The following SLC18A2 variants were observed in gnomAD, a reference collection of about 807,000 sequenced individuals.
The protein encoded by SLC18A2 is synaptic vesicular amine transporter.
A neutral mutation model predicts 59.2 loss-of-function variants in SLC18A2; 33 were observed. The ratio of observed to expected loss-of-function variants is 0.56; its 90% CI spans 0.42 to 0.75. The LOEUF is 0.75. SLC18A2 is among the 30% of genes least tolerant of loss of function. The pLI, the probability that SLC18A2 is intolerant of heterozygous loss-of-function variation, is 0.00. For missense variants in SLC18A2, 569 were observed against 668.6 expected (o/e 0.85, Z 1.64); for synonymous variants, 228 against 253.5 (o/e 0.90, Z 0.95).
intron 10 of SLC18A2, among the ~76,000 whole-genome samples, chr10:117,258,152 C>A (rs1470944413): frequency 6.6e-6 from 1 of 152,158 alleles, no homozygotes; most frequent in African/African-American, 2.4e-5. Context: ...TCAGCATCTT[C>A]CCCTGTTTCT....
intron 3 of SLC18A2, among the ~76,000 whole-genome samples, chr10:117,251,990 G>A (rs1010801215): frequency 1.3e-5 from 2 of 151,848 alleles, no homozygotes; most frequent in Admixed American, 6.6e-5. Context: ...ACAGAATCTC[G>A]CTCTGTCACC....
rs572488703 is a variant in SLC18A2 at position 117,254,649 on chromosome 10, A to C, written c.700+152A>C. On this transcript the variant is annotated intron_variant, in intron 6 of 15. Coordinates refer to ENST00000644641, the MANE Select transcript of SLC18A2 (RefSeq NM_003054.6). ...CTTTCCTGCTTTCATGGAGACTTTG[A>C]AAAATGGTAGGAAGAGCCCTGAGCT... The C allele has an allele frequency of 1.4e-4, 67 of 482,756 alleles. No individual in the cohort carries two copies. The Middle Eastern group carries it at 3.4e-3, about 25-fold the overall frequency. The allele number at this position is 482,756 out of a possible 1,614,324, so 29.9% of individuals were successfully genotyped here.
chr10:117,241,601 G>T, intron 1 of SLC18A2, 78 bp from the exon 2 acceptor site: 1 of 1,406,764 alleles, frequency 7.1e-7, no homozygotes. Flanking sequence ...TCCCTGACCC[G>T]CCCTTCCGCG....
At chr10:117,264,835 A>G (rs1844331346) in intron 10 of SLC18A2, among the ~76,000 whole-genome samples, 1 of 152,194 alleles carries the variant, frequency 6.6e-6, no homozygotes, top group Non-Finnish European at 1.5e-5. Context: ...CCTACGACAC[A>G]GCTTTTGAGG....
intron 10 of SLC18A2, 108 bp from the exon 11 acceptor site, chr10:117,266,625 G>A (rs1844351727): frequency 8.1e-6 from 7 of 859,878 alleles, no homozygotes; most frequent in Admixed American, 2.4e-5. Context: ...GGGCCCCGGG[G>A]CTTCGTTTTA....
At chr10:117,268,820 ATGTT>A (rs1844380383) in intron 13 of SLC18A2, among the ~76,000 whole-genome samples, 2 of 148,570 alleles carry the variant, frequency 1.3e-5, no homozygotes, top group East Asian at 2.2e-4. Context: ...GTGTGTATGT[ATGTT>A]TATGTGTGTG....
intron 2 of SLC18A2, chr10:117,242,042 T>C: frequency 4.4e-6 from 2 of 459,134 alleles, no homozygotes; most frequent in Non-Finnish European, 7.7e-6. Context: ...TGACATCCGA[T>C]AAGACCCAGA....
In SLC18A2 at chr10:117,255,527, G is replaced by T; in HGVS notation, c.834+5G>T. 2 of 1,614,164 alleles carry T rather than the reference G, an allele frequency of 1.2e-6. No homozygotes were observed. The highest frequency in any genetic ancestry group is 1.7e-6 in the Non-Finnish European group (2 of 1,180,040). On this transcript the variant is annotated splice_donor_5th_base_variant and intron_variant, in intron 8 of 15. Coordinates refer to ENST00000644641, the MANE Select transcript of SLC18A2 (RefSeq NM_003054.6). The stretch of plus-strand genomic sequence containing the variant: ...CCGTCCCGGGTGCAGCCAGAGGTAA[G>T]CGGCTGGGAATGAGGGCCCTGGGGG...
intron 7 of SLC18A2, 28 bp downstream of exon 7, chr10:117,255,394 C>T (rs746606542): frequency 2.5e-6 from 4 of 1,613,848 alleles, no homozygotes; most frequent in East Asian, 2.2e-5. Flanking sequence ...GGCGCCATGC[C>T]ATGACCTTGG....
chr10:117,262,499 C>T (rs1240010862), intron 10 of SLC18A2, among the ~76,000 whole-genome samples: 3 of 151,948 alleles, frequency 2.0e-5, no homozygotes, highest in South Asian at 2.1e-4. Flanking sequence ...TGCTCATACC[C>T]GCTGCTGACA....
At chr10:117,262,317 A>G (rs1431455042) in intron 10 of SLC18A2, among the ~76,000 whole-genome samples, 8 of 152,232 alleles carry the variant, frequency 5.3e-5, no homozygotes, top group Non-Finnish European at 1.2e-4. Context: ...ATTAAACAAG[A>G]ATGTTTCTTA....
rs754853233 is a variant in SLC18A2 at position 117,243,933 on chromosome 10, G to A, written c.122-38G>A. The A allele has an allele frequency of 1.3e-5, 20 of 1,546,070 alleles. No individual in the cohort carries two copies. The African/African-American group carries it at 2.2e-4, about 17-fold the overall frequency. ...GGCTTTTTTCCTGGAGAGGGTTTCA[G>A]TGTGATCACCACCTTGCCATTCTGC... On this transcript the variant is annotated intron_variant, in intron 2 of 15. Coordinates refer to ENST00000644641, the MANE Select transcript of SLC18A2 (RefSeq NM_003054.6).
chr10:117,258,026 C>A, intron 10 of SLC18A2, 134 bp downstream of exon 10: 1 of 587,444 alleles, frequency 1.7e-6, no homozygotes, highest in Non-Finnish European at 2.9e-6. Flanking sequence ...TTAATGGGGT[C>A]ATTGCTTAGG....
intron 3 of SLC18A2, among the ~76,000 whole-genome samples, chr10:117,251,158 T>C (rs1844158092): frequency 6.6e-6 from 1 of 152,202 alleles, no homozygotes; most frequent in South Asian, 2.1e-4. Context: ...GTATTGGTAC[T>C]TCAACAACTA....
In SLC18A2 at chr10:117,278,311, TAAATGA is replaced by T. The variant is rs970523962; in HGVS notation, c.*1053_*1058del. On this transcript the variant is annotated 3_prime_UTR_variant, in exon 16 of 16. Transcript: ENST00000644641. ...TTCACATCAATGTGAAGACAAATTT[TAAATGA>T]AAATGAAGAATGAAATTATGTCTTG... The T allele has an allele frequency of 9.2e-5, 14 of 152,244 alleles. No homozygotes were observed. The highest frequency in any genetic ancestry group is 3.1e-4 in the African/African-American group (13 of 41,476). The allele number at this position is 152,244 out of a possible 1,614,324, so 9.4% of individuals were successfully genotyped here. A position where few individuals can be genotyped will look rare whatever the true frequency, so the allele number is the denominator to read the frequency against.
intron 13 of SLC18A2, chr10:117,268,123 A>G (rs1463849697): frequency 5.7e-6 from 1 of 174,346 alleles, no homozygotes; most frequent in African/African-American, 2.3e-5. Context: ...TAGTACAGAC[A>G]AAGCAGACTA....
At chr10:117,246,827 A>G (rs561021291) in intron 3 of SLC18A2, among the ~76,000 whole-genome samples, 91 of 152,042 alleles carry the variant, frequency 6.0e-4, no homozygotes, top group African/African-American at 2.1e-3. Context: ...TATTTTTTGT[A>G]TTTTTTGGTA....
At chr10:117,264,240 T>C (rs532176788) in intron 10 of SLC18A2, among the ~76,000 whole-genome samples, 19 of 152,320 alleles carry the variant, frequency 1.2e-4, no homozygotes, top group African/African-American at 4.6e-4. Context: ...AAGGGAGGGT[T>C]CCTGCCATGG....
intron 15 of SLC18A2, among the ~76,000 whole-genome samples, chr10:117,273,040 C>T (rs1192683867): frequency 1.3e-5 from 2 of 152,224 alleles, no homozygotes; most frequent in Non-Finnish European, 1.5e-5. Context: ...CGACCCTTAG[C>T]AAATCATTCT....
Sources: allele counts gnomAD v4.1 joint callset (sites outside exome capture counted in the v4.1 genomes callset), GRCh38; gene constraint gnomAD v4.1.1; transcripts MANE v1.5; gene names NCBI Gene and HGNC (gene_info 2026-07-23, HGNC 2026-07-21).